MAF: variants seen among roughly 807,000 people sequenced by gnomAD.
MAF encodes the protein MAF bZIP transcription factor.
MAF carries 10 observed loss-of-function variants against 22.0 expected under a neutral mutation model. The observed-to-expected ratio is 0.45, with a 90% CI of 0.28 to 0.77. MAF has a LOEUF of 0.77. Ranked by LOEUF, MAF falls within the 30% of genes least tolerant of loss-of-function variation. The pLI is 0.12. For missense variants in MAF, 544 were observed against 548.4 expected, an observed-to-expected ratio of 0.99 and a Z score of 0.08; for synonymous variants, 337 against 255.8, an observed-to-expected ratio of 1.32 and a Z score of -3.03.
At chr16:79,564,877 A>G in the MAF span, among the ~76,000 whole-genome samples, 1,037 of 152,220 alleles carry the variant, frequency 6.8e-3, 17 homozygotes, top group African/African-American at 0.024. Context: ...CTTCTGCAAA[A>G]CATTCCTTGC....
the MAF span, among the ~76,000 whole-genome samples, chr16:79,468,409 T>A: frequency 6.6e-6 from 1 of 152,206 alleles, no homozygotes; most frequent in Non-Finnish European, 1.5e-5. Context: ...GCACTTGGGG[T>A]GTCCTCATGG....
the MAF span, among the ~76,000 whole-genome samples, chr16:79,568,168 G>A: frequency 6.6e-6 from 1 of 152,228 alleles, no homozygotes; most frequent in Non-Finnish European, 1.5e-5. Flanking sequence ...CATTTTGCAT[G>A]CAGATTAGAG....
the MAF span, among the ~76,000 whole-genome samples, chr16:79,353,025 A>G: frequency 1.3e-5 from 2 of 152,118 alleles, no homozygotes; most frequent in African/African-American, 4.8e-5. Flanking sequence ...GAGAGGGGAG[A>G]GAGACACAGT....
At chr16:79,491,103 G>A in the MAF span, among the ~76,000 whole-genome samples, 1 of 152,172 alleles carries the variant, frequency 6.6e-6, no homozygotes. Flanking sequence ...GAGAAGGGGA[G>A]GGTAAGCAGT....
chr16:79,536,422 C>T, the MAF span, among the ~76,000 whole-genome samples: 1 of 152,180 alleles, frequency 6.6e-6, no homozygotes, highest in South Asian at 2.1e-4. Context: ...GTGGGCAGAT[C>T]ACTTGAGGTC....
chr16:79,337,301 G>T, the MAF span, among the ~76,000 whole-genome samples: 6 of 152,292 alleles, frequency 3.9e-5, no homozygotes, highest in South Asian at 1.2e-3. Context: ...GTCAGGCATG[G>T]TGGCTCACAC....
chr16:79,210,220 C>T, the MAF span, among the ~76,000 whole-genome samples: 1 of 152,224 alleles, frequency 6.6e-6, no homozygotes, highest in African/African-American at 2.4e-5. Flanking sequence ...TATCCTGACA[C>T]TGAAGAAGCT....
At chr16:79,250,388 G>A in the MAF span, among the ~76,000 whole-genome samples, 36 of 152,364 alleles carry the variant, frequency 2.4e-4, no homozygotes, top group Non-Finnish European at 3.8e-4. Flanking sequence ...CAACTCAGCT[G>A]TCTCCAATTC....
chr16:79,425,403 G>T, the MAF span, among the ~76,000 whole-genome samples: 3 of 152,104 alleles, frequency 2.0e-5, no homozygotes, highest in Admixed American at 6.6e-5. Flanking sequence ...GAAAACATCC[G>T]CAGAGATAAA....
chr16:79,556,420 G>C, the MAF span, among the ~76,000 whole-genome samples: 3 of 152,300 alleles, frequency 2.0e-5, no homozygotes, highest in South Asian at 6.2e-4. Flanking sequence ...ACTGTAGAAA[G>C]AGAGTTGTAT....
At chr16:79,544,002 G>A in the MAF span, among the ~76,000 whole-genome samples, 4 of 152,064 alleles carry the variant, frequency 2.6e-5, no homozygotes, top group African/African-American at 4.8e-5. Context: ...CTCTTTTCTT[G>A]TACCAAGGTA....
chr16:79,581,672 G>GGA (rs1555527594), downstream of MAF, among the ~76,000 whole-genome samples: 4 of 151,970 alleles, frequency 2.6e-5, no homozygotes, highest in East Asian at 7.7e-4. Context: ...CACTGCATGT[G>GGA]AAAAAAACAC....
the MAF span, among the ~76,000 whole-genome samples, chr16:79,418,325 G>A: frequency 2.6e-5 from 4 of 152,088 alleles, no homozygotes; most frequent in African/African-American, 9.7e-5. Flanking sequence ...CGGTCAGCTG[G>A]GAGCAGCCAC....
chr16:79,414,129 A>G, the MAF span, among the ~76,000 whole-genome samples: 1 of 152,218 alleles, frequency 6.6e-6, no homozygotes, highest in Non-Finnish European at 1.5e-5. Flanking sequence ...TATCCACTTA[A>G]CAAACATTGG....
In MAF at chr16:79,600,648, G is replaced by C. The variant is rs1913990132; in HGVS notation, c.-746C>G. 5.1e-6 allele frequency: 1 copy of C among 196,732 alleles called. No homozygotes were observed. Among genetic ancestry groups the C allele is most frequent in the Non-Finnish European group, 1.2e-5 (1 of 85,648 alleles). The allele number at this position is 196,732 out of a possible 1,614,324, so 12.2% of individuals were successfully genotyped here. A position where few individuals can be genotyped will look rare whatever the true frequency, so the allele number is the denominator to read the frequency against. On this transcript the variant is annotated 5_prime_UTR_variant, in exon 1 of 2. Coordinates refer to ENST00000326043, the MANE Select transcript of MAF (RefSeq NM_005360.5). ...GTCCTGGGGAAAGACGAGGCAGAGA[G>C]CAAAGGGGGGAGGGGGAGGCCAAGC... is the stretch of plus-strand genomic sequence containing the variant.
chr16:79,380,740 A>G, the MAF span, among the ~76,000 whole-genome samples: 4 of 152,214 alleles, frequency 2.6e-5, no homozygotes, highest in Non-Finnish European at 5.9e-5. Flanking sequence ...GACTGAGGCC[A>G]TAGAGCTAGT....
At chr16:79,226,580 T>C in the MAF span, among the ~76,000 whole-genome samples, 3 of 152,120 alleles carry the variant, frequency 2.0e-5, no homozygotes, top group African/African-American at 7.2e-5. Flanking sequence ...ATGTACGTTA[T>C]AAAAGTTGGT....
chr16:79,549,904 G>A, the MAF span, among the ~76,000 whole-genome samples: 4 of 152,172 alleles, frequency 2.6e-5, no homozygotes, highest in Non-Finnish European at 5.9e-5. Context: ...TGACTGGAAA[G>A]CAGACCTCCT....
At chr16:79,389,211 G>A in the MAF span, among the ~76,000 whole-genome samples, 1 of 152,128 alleles carries the variant, frequency 6.6e-6, no homozygotes, top group Non-Finnish European at 1.5e-5. Context: ...CTGTGGGGAT[G>A]GGAAAGTCTT....
Sources: gnomAD v4.1 joint callset for allele counts (sites outside exome capture counted in the v4.1 genomes callset) on GRCh38, gnomAD v4.1.1 for gene constraint, MANE v1.5 for transcripts, NCBI Gene and HGNC (gene_info 2026-07-23, HGNC 2026-07-21) for gene names.